Variants in CUL3 observed in about 807,000 individuals in gnomAD.
The protein encoded by CUL3 is cullin 3.
A neutral mutation model predicts 89.1 loss-of-function variants in CUL3; 19 were observed. That is an observed-to-expected ratio of 0.21 (90% confidence interval 0.15 to 0.31). CUL3 has a LOEUF of 0.31. Among genes scored for constraint, CUL3 ranks in the 10% least tolerant of loss-of-function variants. CUL3 has a pLI of 1.00. For missense variants in CUL3, 469 were observed against 942.3 expected (o/e 0.50, Z 6.58); for synonymous variants, 351 against 308.4 (o/e 1.14, Z -1.45).
At chr2:224,486,064 C>A (rs528083615) in intron 13 of CUL3, among the ~76,000 whole-genome samples, 16 of 152,294 alleles carry the variant, frequency 1.1e-4, no homozygotes, top group African/African-American at 3.9e-4. Context: ...CAATAACATT[C>A]AACATCAACG....
intron 15 of CUL3, 199 bp from the exon 16 acceptor site, chr2:224,474,575 T>C: frequency 3.9e-6 from 2 of 518,496 alleles, no homozygotes; most frequent in Non-Finnish European, 6.8e-6. Context: ...AATCAGAATG[T>C]GAATGCTAAA....
At chr2:224,558,290 A>C (rs763698861) in intron 1 of CUL3, among the ~76,000 whole-genome samples, 7 of 152,160 alleles carry the variant, frequency 4.6e-5, no homozygotes, top group Non-Finnish European at 8.8e-5. Flanking sequence ...GGTCCATCTG[A>C]GTTTAAATTC....
intron 2 of CUL3, among the ~76,000 whole-genome samples, chr2:224,551,245 G>A (rs1407380653): frequency 8.3e-5 from 12 of 145,094 alleles, no homozygotes; most frequent in Admixed American, 7.1e-4. Context: ...TCACTCTGTC[G>A]CCCAGGCTGG....
chr2:224,568,162 G>C (rs1348280340), intron 1 of CUL3, among the ~76,000 whole-genome samples: 1 of 152,162 alleles, frequency 6.6e-6, no homozygotes. Flanking sequence ...ATCCTTCACT[G>C]AACTCCTCAA....
At chr2:224,504,814 A>T (rs1170704708) in intron 8 of CUL3, among the ~76,000 whole-genome samples, 4 of 152,190 alleles carry the variant, frequency 2.6e-5, no homozygotes, top group Non-Finnish European at 4.4e-5. Context: ...TCCAAAATGA[A>T]GTCAAAAGAG....
chr2:224,513,459 G>C (rs767243249), intron 5 of CUL3, 65 bp downstream of exon 5: 32 of 1,103,246 alleles, frequency 2.9e-5, no homozygotes, highest in Admixed American at 5.0e-5. Context: ...AGTTAAATTA[G>C]TAACTATATT....
chr2:224,491,993 AAT>A (rs1692001279), intron 13 of CUL3, among the ~76,000 whole-genome samples: 1 of 152,214 alleles, frequency 6.6e-6, no homozygotes, highest in African/African-American at 2.4e-5. Flanking sequence ...TACACTACTG[AAT>A]ATGACTTGCT....
At chr2:224,515,010 A>G (rs1692987150) in intron 3 of CUL3, among the ~76,000 whole-genome samples, 1 of 152,198 alleles carries the variant, frequency 6.6e-6, no homozygotes, top group South Asian at 2.1e-4. Context: ...GAAAAAGGGT[A>G]AAAAGTAAGC....
At position 224,485,804 on chromosome 2, in the gene CUL3, C is replaced by T. The variant is rs145626348; in HGVS notation, c.1843-3726G>A. On this transcript the variant is annotated intron_variant, in intron 13 of 15. Transcript: ENST00000264414. This position sits in a 1 kb window ranked among gnomAD's most constrained non-coding sequence, Gnocchi z 4.1. ...TCAAGTGGGTCCGTGTCCCCCATGC[C>T]TCCCTGACAGGAGACACCTCCCAGC... Among the ~76,000 whole-genome samples the T allele has an allele frequency of 6.6e-6, 1 of 152,340 alleles. No homozygotes were observed. Among genetic ancestry groups the T allele is most frequent in the Non-Finnish European group, 1.5e-5 (1 of 68,030 alleles).
intron 14 of CUL3, among the ~76,000 whole-genome samples, chr2:224,481,053 C>T (rs750272005): frequency 6.6e-6 from 1 of 152,044 alleles, no homozygotes; most frequent in Non-Finnish European, 1.5e-5. Flanking sequence ...AATCCATGTA[C>T]TCTGGTAATC....
intron 13 of CUL3, among the ~76,000 whole-genome samples, chr2:224,494,789 G>A (rs949227995): frequency 2.6e-5 from 4 of 151,848 alleles, no homozygotes; most frequent in African/African-American, 7.3e-5. Context: ...CTAAAATTAC[G>A]AACTATTGAA....
intron 2 of CUL3, among the ~76,000 whole-genome samples, chr2:224,556,588 G>A (rs1050376023): frequency 1.3e-5 from 2 of 152,080 alleles, no homozygotes; most frequent in Non-Finnish European, 2.9e-5. Flanking sequence ...CTGGATCCTG[G>A]ATCAGAAAAC....
At chr2:224,538,815 A>G (rs1693985503) in intron 2 of CUL3, among the ~76,000 whole-genome samples, 2 of 152,214 alleles carry the variant, frequency 1.3e-5, no homozygotes. Flanking sequence ...AGAAAGAGAA[A>G]GCTCAACACA....
intron 6 of CUL3, 50 bp downstream of exon 6, chr2:224,511,304 T>A (rs1692817315): frequency 1.5e-6 from 2 of 1,326,694 alleles, no homozygotes; most frequent in Admixed American, 2.4e-5. Flanking sequence ...TTTAAAAATA[T>A]CGATAAGGCA....
intron 2 of CUL3, among the ~76,000 whole-genome samples, chr2:224,550,332 T>C (rs1486510231): frequency 6.6e-6 from 1 of 152,244 alleles, no homozygotes; most frequent in African/African-American, 2.4e-5. Context: ...TTGGCTGTGC[T>C]GTGACTGTGA....
intron 1 of CUL3, among the ~76,000 whole-genome samples, chr2:224,567,152 CTT>C (rs1695061425): frequency 6.6e-6 from 1 of 152,122 alleles, no homozygotes; most frequent in South Asian, 2.1e-4. Flanking sequence ...CAAAAGAAAA[CTT>C]TTTACTACAC....
Position 224,557,876 on chromosome 2 carries a change from G to GAAA in CUL3, c.67-21_67-20insTTT. The GAAA allele has an allele frequency of 3.4e-5, 5 of 146,614 alleles. No individual in the cohort carries two copies. Among genetic ancestry groups the GAAA allele is most frequent in the Admixed American group, 2.6e-4 (2 of 7,742 alleles). 9.1% of individuals were successfully genotyped at this position (146,614 alleles called of 1,614,324 possible). A position where few individuals can be genotyped will look rare whatever the true frequency, so the allele number is the denominator to read the frequency against. The stretch of plus-strand genomic sequence containing the variant: ...GGTCATCTGTAATATCCAAGAGAGA[G>GAAA]AAGAGACAAAAAAAAAAAAAAAAAA... On this transcript the variant is annotated intron_variant, in intron 1 of 15. Coordinates refer to ENST00000264414, the MANE Select transcript of CUL3 (RefSeq NM_003590.5).
Position 224,474,108 on chromosome 2 carries a change from G to T in CUL3, c.*137C>A. Reference sequence around the variant, plus strand: ...TTGGAAACTCTCAAAGGGAGTAAAGGCTTGATCTCAATGGTCTAGAACATG... The same window carrying T: ...TTGGAAACTCTCAAAGGGAGTAAAGTCTTGATCTCAATGGTCTAGAACATG... On this transcript the variant is annotated 3_prime_UTR_variant, in exon 16 of 16. Coordinates refer to ENST00000264414, the MANE Select transcript of CUL3 (RefSeq NM_003590.5). 1.2e-6 allele frequency: 1 copy of T among 840,160 alleles called. No homozygotes were observed. The highest frequency in any genetic ancestry group is 1.8e-6 in the Non-Finnish European group (1 of 567,784). 52.0% of individuals were successfully genotyped at this position (840,160 alleles called of 1,614,324 possible).
In CUL3 at chr2:224,514,598, G is replaced by C; in HGVS notation, c.539+14C>G. The C allele has an allele frequency of 6.3e-7, 1 of 1,597,196 alleles. No homozygotes were observed. The highest frequency in any genetic ancestry group is 8.5e-7 in the Non-Finnish European group (1 of 1,170,710). On this transcript the variant is annotated intron_variant, in intron 4 of 15. Coordinates refer to ENST00000264414, the MANE Select transcript of CUL3 (RefSeq NM_003590.5). The stretch of plus-strand genomic sequence containing the variant: ...CTAAAACCAAAACCACAAGAGTAAA[G>C]AGAGAAATTTTACCTGTCTACGACT...
Sources: gnomAD v4.1 joint callset for allele counts (sites outside exome capture counted in the v4.1 genomes callset) on GRCh38, gnomAD v4.1.1 for gene constraint, Gnocchi (gnomAD v3.1) non-coding constraint, MANE v1.5 for transcripts, NCBI Gene and HGNC (gene_info 2026-07-23, HGNC 2026-07-21) for gene names.